DTNA: variants seen among roughly 807,000 people sequenced by gnomAD.
DTNA encodes dystrophin-related protein 3.
Under a neutral mutation model 100.7 loss-of-function variants are expected in DTNA, and 43 were observed. The observed-to-expected ratio is 0.43, with a 90% CI of 0.33 to 0.55. The LOEUF (loss-of-function observed/expected upper bound fraction) is 0.55. Ranked by LOEUF, DTNA falls within the 20% of genes least tolerant of loss-of-function variation. The probability of loss-of-function intolerance (pLI) is 0.04; values close to 1 mark genes in which losing one functional copy is unlikely to be tolerated. For synonymous variants in DTNA, 349 were observed against 347.9 expected (o/e 1.00, Z -0.04); for missense variants, 798 against 953.9 (o/e 0.84, Z 2.15).
chr18:34,551,138 G>T (rs1421771427), intron 1 of DTNA, among the ~76,000 whole-genome samples: 1 of 152,094 alleles, frequency 6.6e-6, no homozygotes, highest in Non-Finnish European at 1.5e-5. Context: ...TCTCCTGATG[G>T]ATCTGTCTTG....
chr18:34,566,529 C>CTG (rs2047102561), intron 1 of DTNA, among the ~76,000 whole-genome samples: 1 of 152,204 alleles, frequency 6.6e-6, no homozygotes, highest in Admixed American at 6.5e-5. Context: ...TTCAAAAATT[C>CTG]TGTGTGAGGA....
In DTNA at chr18:34,617,471, A is replaced by T. The variant is rs145244187; in HGVS notation, c.-2+123957A>T. On this transcript the variant is annotated intron_variant, in intron 1 of 19. Transcript: ENST00000283365. ...AACCAATCTTGCATCTCAGAGATAA[A>T]ACCTACTTGATTGTGGTGGACTCGC... 5.2e-3 allele frequency among the ~76,000 whole-genome samples: 788 copies of T among 152,270 alleles called. 8 individuals carry two copies. Among genetic ancestry groups the T allele is most frequent in the African/African-American group, 0.018 (749 of 41,564 alleles).
At chr18:34,597,167 G>T (rs1380002905) in intron 1 of DTNA, among the ~76,000 whole-genome samples, 1 of 152,046 alleles carries the variant, frequency 6.6e-6, no homozygotes, top group African/African-American at 2.4e-5. Flanking sequence ...CCATGTCCCT[G>T]CAAAGGACAT....
intron 1 of DTNA, among the ~76,000 whole-genome samples, chr18:34,616,984 A>G (rs189877544): frequency 2.0e-4 from 31 of 152,288 alleles, no homozygotes; most frequent in African/African-American, 7.5e-4. Context: ...GTGCCCAGAA[A>G]GTTTGATGAT....
intron 1 of DTNA, among the ~76,000 whole-genome samples, chr18:34,663,828 T>C (rs2075536541): frequency 6.6e-6 from 1 of 152,188 alleles, no homozygotes; most frequent in African/African-American, 2.4e-5. Context: ...ATGAGACTCG[T>C]GGTGACATTA....
At chr18:34,506,010 TG>T (rs896760571) in intron 1 of DTNA, among the ~76,000 whole-genome samples, 2 of 152,210 alleles carry the variant, frequency 1.3e-5, no homozygotes, top group African/African-American at 4.8e-5. Context: ...CAGTGCCAGG[TG>T]GGGGGTAGAA....
intron 1 of DTNA, among the ~76,000 whole-genome samples, chr18:34,578,507 A>G (rs1402165061): frequency 6.6e-6 from 1 of 151,098 alleles, no homozygotes; most frequent in Admixed American, 6.6e-5. Context: ...TTTTTATTGC[A>G]TTTGCTTTTG....
intron 1 of DTNA, among the ~76,000 whole-genome samples, chr18:34,545,197 A>G (rs929036648): frequency 2.6e-5 from 4 of 152,060 alleles, no homozygotes; most frequent in Admixed American, 2.0e-4. Flanking sequence ...AAGGGATCTG[A>G]TAAGTAGCAG....
At chr18:34,531,670 A>G (rs2043156980) in intron 1 of DTNA, among the ~76,000 whole-genome samples, 2 of 152,144 alleles carry the variant, frequency 1.3e-5, no homozygotes. Context: ...TGTGAACACC[A>G]CAGTTAGTTT....
At position 34,499,226 on chromosome 18, in the gene DTNA, A is replaced by C. The variant is rs149223831; in HGVS notation, c.-2+5712A>C. 2.2e-3 allele frequency among the ~76,000 whole-genome samples: 336 copies of C among 152,322 alleles called. 7 individuals are homozygous for C. The highest frequency in any genetic ancestry group is 0.015 in the East Asian group (80 of 5,184). On this transcript the variant is annotated intron_variant, in intron 1 of 19. Coordinates refer to the DTNA transcript ENST00000283365. The stretch of plus-strand genomic sequence containing the variant: ...CATTGCAAGAATGTTATATAAGTGG[A>C]ATTATACATAATGGGAACTTTTGGG...
chr18:34,635,910 T>TAA (rs567249141), intron 1 of DTNA, among the ~76,000 whole-genome samples: 76 of 146,998 alleles, frequency 5.2e-4, no homozygotes, highest in African/African-American at 1.3e-3. Flanking sequence ...TTTTTTCAAT[T>TAA]AAAAAAAAAA....
intron 1 of DTNA, among the ~76,000 whole-genome samples, chr18:34,569,966 G>A (rs1483481042): frequency 2.0e-5 from 3 of 152,018 alleles, no homozygotes; most frequent in Non-Finnish European, 2.9e-5. Context: ...CCATGGCCCA[G>A]CCAAGTTGAT....
intron 1 of DTNA, among the ~76,000 whole-genome samples, chr18:34,516,073 A>T (rs781579352): frequency 6.6e-6 from 1 of 152,064 alleles, no homozygotes; most frequent in South Asian, 2.1e-4. Flanking sequence ...TATTGGGGGA[A>T]CCACCCCCAA....
rs544051421 is a variant in DTNA at position 34,787,297 on chromosome 18, C to T, written c.149-6740C>T. On this transcript the variant is annotated intron_variant, in intron 3 of 22. Coordinates refer to ENST00000444659, the MANE Select transcript of DTNA (RefSeq NM_001386795.1). ...GTCAGAATCACCTGGAGAGTTTTGT[C>T]AAAACCCTTTTCCACTCTTTTATAT... Among the ~76,000 whole-genome samples, 182 of 152,278 alleles carry T rather than the reference C, an allele frequency of 1.2e-3. 1 individual carries two copies. The highest frequency in any genetic ancestry group is 6.8e-3 in the Middle Eastern group (2 of 294).
chr18:34,625,165 G>C (rs1019008695), intron 1 of DTNA, among the ~76,000 whole-genome samples: 12 of 152,074 alleles, frequency 7.9e-5, no homozygotes, highest in African/African-American at 2.9e-4. Context: ...CTCCTGAGTA[G>C]CTGGGATTAT....
chr18:34,556,118 T>C (rs2046013144), intron 1 of DTNA, among the ~76,000 whole-genome samples: 1 of 151,604 alleles, frequency 6.6e-6, no homozygotes, highest in Non-Finnish European at 1.5e-5. Context: ...CCTTTACCAT[T>C]ATGTAATGGC....
chr18:34,828,458 C>A (rs117945601), intron 10 of DTNA, among the ~76,000 whole-genome samples: 1 of 152,036 alleles, frequency 6.6e-6, no homozygotes, highest in Non-Finnish European at 1.5e-5. Flanking sequence ...TGCCTTTCAG[C>A]AGAAAAAAAG....
intron 2 of DTNA, among the ~76,000 whole-genome samples, chr18:34,763,984 A>C (rs1183338886): frequency 6.6e-6 from 1 of 152,214 alleles, no homozygotes; most frequent in Non-Finnish European, 1.5e-5. Flanking sequence ...GGATGCTAAT[A>C]ATGATAATGT....
intron 17 of DTNA, chr18:34,868,292 G>A (rs117671748): frequency 0.028 from 7,367 of 262,582 alleles, 150 homozygotes; most frequent in Middle Eastern, 0.041. Context: ...CTGGACGATA[G>A]AAAAGGAAAA....
Sources: allele counts gnomAD v4.1 joint callset (sites outside exome capture counted in the v4.1 genomes callset), GRCh38; gene constraint gnomAD v4.1.1; transcripts MANE v1.5; gene names NCBI Gene and HGNC (gene_info 2026-07-23, HGNC 2026-07-21).